MYH6: variants seen among roughly 807,000 people sequenced by gnomAD.
The protein encoded by MYH6 is myosin heavy chain 6, also known as myosin-6.
In MYH6, 126 loss-of-function variants were observed where a neutral mutation model predicts 223.2. The ratio of observed to expected loss-of-function variants is 0.56; its 90% CI spans 0.49 to 0.65. MYH6 has a LOEUF of 0.65. Among genes scored for constraint, MYH6 ranks in the 30% least tolerant of loss-of-function variants. The pLI is 0.00. For missense variants in MYH6, 2,040 were observed against 2,536.4 expected, an observed-to-expected ratio of 0.80 and a Z score of 4.20; for synonymous variants, 978 against 1,010.2, an observed-to-expected ratio of 0.97 and a Z score of 0.61.
chr14:23,407,110 G>A lies in MYH6; in HGVS notation c.114C>T (p.Phe38=), dbSNP rs777057620. 5.6e-6 allele frequency: 9 copies of A among 1,614,078 alleles called. No homozygotes were observed. The Admixed American group carries it at 1.0e-4, about 18-fold the overall frequency. ...TRPFDIRTEC[F]VPDDKEEFVK... ...CAAACTCTTCCTTGTCATCGGGCAC[G>A]AAGCACTCAGTGCGAATGTCAAAGG... Residue 38 remains phenylalanine (F), a synonymous_variant, in exon 3 of 39, where the codon TTC becomes TTT. Transcript: ENST00000405093. The surrounding 1 kb of genome is among the most constrained non-coding windows in gnomAD (Gnocchi z 5.6).
chr14:23,382,830 T>C (rs1342454532), intron 37 of MYH6, among the ~76,000 whole-genome samples: 2 of 152,196 alleles, frequency 1.3e-5, no homozygotes, highest in Non-Finnish European at 2.9e-5. Context: ...TTGCTGCACC[T>C]GTCCCGGACC....
In MYH6 at chr14:23,384,934, G is replaced by C. The variant is rs1239601327; in HGVS notation, c.5271C>G (p.Ala1757=). 1 of 1,614,178 alleles carries C rather than the reference G, an allele frequency of 6.2e-7. No homozygotes were observed. Among genetic ancestry groups the C allele is most frequent in the East Asian group, 2.2e-5 (1 of 44,886 alleles). The change falls in exon 35 of 39, where the codon GCC becomes GCG. Residue 1757 remains alanine, a synonymous_variant. Transcript: ENST00000405093. Reference sequence around the variant, plus strand: ...CACTTACATCCGTGATGGCCTTCTTGGCCTTCTCCTCGGCGTTTCTGCACT... The same window carrying C: ...CACTTACATCCGTGATGGCCTTCTTCGCCTTCTCCTCGGCGTTTCTGCACT... ...VQECRNAEEK[A]KKAITDAAMM...
At position 23,405,404 on chromosome 14, in the gene MYH6, A is replaced by C. The variant is rs1173400761; in HGVS notation, c.346-25T>G. On this transcript the variant is annotated intron_variant, in intron 4 of 38. Coordinates refer to ENST00000405093, the MANE Select transcript of MYH6 (RefSeq NM_002471.4). This position sits in a 1 kb window ranked among gnomAD's most constrained non-coding sequence, Gnocchi z 4.7. ...TCTGGAGCAGGAGACAAGGCTGGGC[A>C]TGAGGTTGGTGGGGAGAGCCTGGGA... The C allele has an allele frequency of 3.1e-6, 5 of 1,614,052 alleles. No individual in the cohort carries two copies. Among genetic ancestry groups the C allele is most frequent in the Admixed American group, 3.3e-5 (2 of 60,022 alleles).
intron 3 of MYH6, among the ~76,000 whole-genome samples, chr14:23,406,533 G>A (rs1891794600): frequency 6.6e-6 from 1 of 152,188 alleles, no homozygotes; most frequent in African/African-American, 2.4e-5. Flanking sequence ...CTTGGCTGGT[G>A]TGAGCAAACC....
Position 23,400,243 on chromosome 14 carries a change from G to T in MYH6, c.1581+13C>A. ...CAGAGGAGGGGGCATAGGTGGTGAG[G>T]CCAAGGAGGCACCTTCTCGATGAGG... On this transcript the variant is annotated intron_variant, in intron 14 of 38. Transcript: ENST00000405093. 1.2e-6 allele frequency: 2 copies of T among 1,614,192 alleles called. No individual in the cohort carries two copies. Among genetic ancestry groups the T allele is most frequent in the Non-Finnish European group, 1.7e-6 (2 of 1,180,030 alleles).
Position 23,405,078 on chromosome 14 carries a change from T to C in MYH6, c.530+22A>G, listed in dbSNP as rs1386007084. On this transcript the variant is annotated intron_variant, in intron 6 of 38. Coordinates refer to ENST00000405093, the MANE Select transcript of MYH6 (RefSeq NM_002471.4). This position sits in a 1 kb window ranked among gnomAD's most constrained non-coding sequence, Gnocchi z 4.7. ...TATGCCCCCAGCCCAGTCCCTTCTG[T>C]GGGAGGATGGCACTCGCTCACGTGA... 1.9e-6 allele frequency: 3 copies of C among 1,613,810 alleles called. No individual in the cohort carries two copies. The highest frequency in any genetic ancestry group is 2.5e-6 in the Non-Finnish European group (3 of 1,179,984).
intron 34 of MYH6, among the ~76,000 whole-genome samples, 190 bp from the exon 35 acceptor site, chr14:23,385,231 C>T (rs1024611725): frequency 6.6e-6 from 1 of 151,596 alleles, no homozygotes; most frequent in African/African-American, 2.4e-5. Context: ...GACATTGTAT[C>T]TAAGATTACT....
rs775971161 is a variant in MYH6 at position 23,403,329 on chromosome 14, G to T, written c.898+19C>A. 2 of 1,600,848 alleles carry T rather than the reference G, an allele frequency of 1.2e-6. No individual in the cohort carries two copies. The highest frequency in any genetic ancestry group is 1.7e-6 in the Non-Finnish European group (2 of 1,168,002). ...TGCAGCAGGGACAGCAGTGGGTGGG[G>T]GGTGGCAGGCAGGTTCACCCAGCAA... On this transcript the variant is annotated intron_variant, in intron 10 of 38. Transcript: ENST00000405093.
chr14:23,393,203 T>C, intron 23 of MYH6, 139 bp downstream of exon 23: 2 of 1,446,670 alleles, frequency 1.4e-6, no homozygotes, highest in East Asian at 2.3e-5. Flanking sequence ...TTCAGAGACC[T>C]ACTGTAGTGA....
At chr14:23,392,848 C>T in intron 24 of MYH6, 64 bp downstream of exon 24, 1 of 1,604,474 alleles carries the variant, frequency 6.2e-7, no homozygotes, top group South Asian at 1.1e-5. Flanking sequence ...GGCGCAGCAC[C>T]CTGCACTCTA....
Position 23,407,615 on chromosome 14 carries a change from C to T in MYH6, c.-46-7G>A, listed in dbSNP as rs928679294. ...ACGGAGAATCCTGAAGAATCTGGACCGTGGGTGGAGCAAGGAACAACAGAG... is the reference window on the plus strand; with the variant it reads ...ACGGAGAATCCTGAAGAATCTGGACTGTGGGTGGAGCAAGGAACAACAGAG... On this transcript the variant is annotated splice_region_variant and splice_polypyrimidine_tract_variant and intron_variant, in intron 1 of 38. Coordinates refer to ENST00000405093, the MANE Select transcript of MYH6 (RefSeq NM_002471.4). The surrounding 1 kb of genome is among the most constrained non-coding windows in gnomAD (Gnocchi z 5.6). The T allele has an allele frequency of 5.3e-6, 6 of 1,141,292 alleles. No individual in the cohort carries two copies. The highest frequency in any genetic ancestry group is 2.1e-5 in the South Asian group (1 of 47,710). 70.7% of individuals were successfully genotyped at this position (1,141,292 alleles called of 1,614,324 possible). A position where few individuals can be genotyped will look rare whatever the true frequency, so the allele number is the denominator to read the frequency against.
Position 23,386,145 on chromosome 14 carries a change from G to T in MYH6, c.4960-14C>A, listed in dbSNP as rs1425968688. 10 of 1,614,176 alleles carry T rather than the reference G, an allele frequency of 6.2e-6. No individual in the cohort carries two copies. The highest frequency in any genetic ancestry group is 8.5e-6 in the Non-Finnish European group (10 of 1,180,008). ...GATCTGGGTGTCCTGAGCATCAGGA[G>T]AGTGGGTGTGAGCAGAAGCCAGCCT... On this transcript the variant is annotated splice_polypyrimidine_tract_variant and intron_variant, in intron 33 of 38. Transcript: ENST00000405093.
chr14:23,402,372 C>T (rs1422024222), intron 12 of MYH6, 92 bp downstream of exon 12: 2 of 1,584,914 alleles, frequency 1.3e-6, no homozygotes, highest in East Asian at 2.2e-5. Flanking sequence ...CCCCACTGCC[C>T]CACAAGCCTC....
chr14:23,388,208 G>A lies in MYH6; in HGVS notation c.4306C>T (p.Arg1436Cys), dbSNP rs746893658. 60 of 1,612,270 alleles carry A rather than the reference G, an allele frequency of 3.7e-5. No homozygotes were observed. Among genetic ancestry groups the A allele is most frequent in the East Asian group, 6.7e-5 (3 of 44,888 alleles). Residue 1436 changes from arginine (R) to cysteine (C), a missense_variant, in exon 30 of 39, where the codon CGC becomes TGC. Arg to Cys is a radical substitution (Grantham distance 180, BLOSUM62 -3). This residue lies in a region of MYH6 where 1,203 missense variants were observed against 1,400.2 expected (regional missense o/e 0.86). Coordinates refer to ENST00000405093, the MANE Select transcript of MYH6 (RefSeq NM_002471.4). ...EIEDLMVDVERSNAAAAALDK... is the reference protein window; with the variant it reads ...EIEDLMVDVECSNAAAAALDK... ...AGGGCTGCAGCAGCAGCATTGGAGC[G>A]CTCTACGTCCACCATCAAGTCCTCT... is the stretch of plus-strand genomic sequence containing the variant.
At chr14:23,383,141 C>A in intron 37 of MYH6, 84 bp downstream of exon 37, 1 of 1,225,976 alleles carries the variant, frequency 8.2e-7, no homozygotes, top group South Asian at 1.2e-5. Flanking sequence ...AACTCTTTGT[C>A]CAGGCCCCTC....
rs1204172151 is a variant in MYH6, at chr14:23,399,805, G to C, written c.1581+451C>G. 3.2e-5 allele frequency: 8 copies of C among 251,434 alleles called. No individual in the cohort carries two copies. In the East Asian group the frequency reaches 6.8e-4, roughly 21 times the overall value. The allele number at this position is 251,434 out of a possible 1,614,324, so 15.6% of individuals were successfully genotyped here. A position where few individuals can be genotyped will look rare whatever the true frequency, so the allele number is the denominator to read the frequency against. On this transcript the variant is annotated intron_variant, in intron 14 of 38. Coordinates refer to ENST00000405093, the MANE Select transcript of MYH6 (RefSeq NM_002471.4). Reference sequence around the variant, plus strand: ...CTGACAAAGAGCAGAGGTTCACTGAGAGCAAGTCAGCCCCAGCCTATGGGG... The same window carrying C: ...CTGACAAAGAGCAGAGGTTCACTGACAGCAAGTCAGCCCCAGCCTATGGGG...
rs1261735239 is a variant in MYH6, at chr14:23,384,658, G to A, written c.5349C>T (p.Arg1783=). The A allele has an allele frequency of 6.2e-7, 1 of 1,614,216 alleles. No homozygotes were observed. The change falls in exon 36 of 39, where the codon CGC becomes CGT. Residue 1783 remains arginine (R), a synonymous_variant. Transcript: ENST00000405093. Reference sequence around the variant, plus strand: ...TGGTCTGCTCCATGTTCTTCTTCATGCGCTCCAGGTGGGCGCTGGTGTCCT... The same window carrying A: ...TGGTCTGCTCCATGTTCTTCTTCATACGCTCCAGGTGGGCGCTGGTGTCCT... The part of the protein sequence containing the change: ...KEQDTSAHLE[R]MKKNMEQTIK...
In MYH6 at chr14:23,394,282, A is replaced by G. The variant is rs1891329705; in HGVS notation, c.2471T>C (p.Met824Thr). Residue 824 changes from methionine (M) to threonine (T), a missense_variant, in exon 21 of 39, where the codon ATG (methionine) becomes ACG (threonine). This residue lies in a region of MYH6 where 649 missense variants were observed against 877.3 expected (regional missense o/e 0.74). Coordinates refer to ENST00000405093, the MANE Select transcript of MYH6 (RefSeq NM_002471.4). ...CATCCAGGGCCAATTCTTGACCCCCATGAAGGCCCGAATGTTCCACTGGAT... is the reference window on the plus strand; with the variant it reads ...CATCCAGGGCCAATTCTTGACCCCCGTGAAGGCCCGAATGTTCCACTGGAT... ...LVIQWNIRAF[M>T]GVKNWPWMKL... The G allele has an allele frequency of 6.2e-7, 1 of 1,614,182 alleles. No homozygotes were observed. The highest frequency in any genetic ancestry group is 8.5e-7 in the Non-Finnish European group (1 of 1,180,026).
chr14:23,395,309 T>TTTG (rs1248268169), intron 20 of MYH6, among the ~76,000 whole-genome samples: 4 of 152,276 alleles, frequency 2.6e-5, no homozygotes, highest in African/African-American at 9.6e-5. Context: ...TTGTATCATG[T>TTTG]AGTTGGAGTT....
Sources: allele counts gnomAD v4.1 joint callset (sites outside exome capture counted in the v4.1 genomes callset), GRCh38; gene constraint gnomAD v4.1.1; regional missense constraint gnomAD v4.1.1; non-coding constraint Gnocchi (gnomAD v3.1); transcripts MANE v1.5; gene names NCBI Gene and HGNC (gene_info 2026-07-23, HGNC 2026-07-21).